The following CIB1 variants were observed in gnomAD, a reference collection of about 807,000 sequenced individuals.
The protein encoded by CIB1 is calcium and integrin-binding protein 1.
CIB1 carries 19 observed loss-of-function variants against 25.0 expected under a neutral mutation model. The observed-to-expected ratio is 0.76, with a 90% CI of 0.53 to 1.12. The LOEUF is 1.12. Among genes scored for constraint, CIB1 ranks in the 50% most tolerant of loss-of-function variants. The pLI is 0.00. For synonymous variants in CIB1, 104 were observed against 98.5 expected, an observed-to-expected ratio of 1.06 and a Z score of -0.33; for missense variants, 236 against 242.6, an observed-to-expected ratio of 0.97 and a Z score of 0.18.
At chr15:90,257,515 T>A in the CIB1 span, 1 of 1,037,544 alleles carries the variant, frequency 9.6e-7, no homozygotes, top group Non-Finnish European at 1.4e-6. Context: ...AGCAGTCCTC[T>A]GGTGGAGAGA....
the CIB1 span, among the ~76,000 whole-genome samples, chr15:90,255,253 T>A: frequency 6.6e-6 from 1 of 152,208 alleles, no homozygotes; most frequent in Admixed American, 6.5e-5. Flanking sequence ...CTGCCACCCA[T>A]CCAGCAGGAC....
chr15:90,238,412 A>G (rs539735671), upstream of CIB1: 1 of 152,370 alleles, frequency 6.6e-6, no homozygotes. Context: ...ACTAAGCCTC[A>G]ATACTCATTA....
chr15:90,255,005 G>C, the CIB1 span, among the ~76,000 whole-genome samples: 2 of 152,240 alleles, frequency 1.3e-5, no homozygotes, highest in Non-Finnish European at 2.9e-5. Context: ...TTAGGACATG[G>C]AGGGTCAGAA....
the CIB1 span, among the ~76,000 whole-genome samples, chr15:90,240,632 G>A: frequency 1.3e-5 from 2 of 152,056 alleles, no homozygotes; most frequent in African/African-American, 4.8e-5. Flanking sequence ...GGCCAACATG[G>A]TGAAACACCA....
chr15:90,259,122 G>T, the CIB1 span: 1 of 1,309,476 alleles, frequency 7.6e-7, no homozygotes, highest in Non-Finnish European at 1.0e-6. Flanking sequence ...CAGCACTTTG[G>T]GAGGCTGAGG....
chr15:90,241,275 C>G, the CIB1 span: 3 of 1,614,174 alleles, frequency 1.9e-6, no homozygotes, highest in Non-Finnish European at 1.7e-6. Context: ...TGACCCTGTA[C>G]AGTTCAACTT....
intron 2 of CIB1, 101 bp from the exon 3 acceptor site, chr15:90,232,428 CTAAAACCACGT>C (rs985844280): frequency 6.9e-7 from 1 of 1,453,152 alleles, no homozygotes; most frequent in Non-Finnish European, 9.1e-7. Flanking sequence ...AGGTGAGGAG[CTAAAACCACGT>C]ACACAGAACT....
At chr15:90,235,023 A>C (rs1009639892), upstream of CIB1, among the ~76,000 whole-genome samples, 4 of 152,182 alleles carry the variant, frequency 2.6e-5, no homozygotes, top group Non-Finnish European at 5.9e-5. Context: ...TGTTAGTCTC[A>C]GTTTATAACC....
At chr15:90,263,256 G>A in the CIB1 span, 13 of 1,024,290 alleles carry the variant, frequency 1.3e-5, no homozygotes, top group Non-Finnish European at 1.8e-5. Flanking sequence ...TGTCAGTGGA[G>A]CCTGGGAAAG....
the CIB1 span, chr15:90,262,521 AG>A: frequency 6.6e-7 from 1 of 1,518,972 alleles, no homozygotes; most frequent in Non-Finnish European, 8.8e-7. Context: ...CGCCTTAAGC[AG>A]GAACAGCAGG....
At chr15:90,232,940 A>AC (rs1962536724) in intron 2 of CIB1, among the ~76,000 whole-genome samples, 1 of 151,996 alleles carries the variant, frequency 6.6e-6, no homozygotes, top group South Asian at 2.1e-4. Flanking sequence ...AAAAAAAAAA[A>AC]AACGGAGAAA....
chr15:90,241,104 G>A, the CIB1 span: 1 of 1,614,044 alleles, frequency 6.2e-7, no homozygotes, highest in Non-Finnish European at 8.5e-7. Flanking sequence ...ACTCTGCTCT[G>A]CCTGGAAGCA....
the CIB1 span, chr15:90,257,395 C>A: frequency 7.0e-7 from 1 of 1,426,186 alleles, no homozygotes; most frequent in Non-Finnish European, 9.4e-7. Context: ...ATGAAGCCAG[C>A]AAGAGCTGCA....
chr15:90,253,507 T>G, the CIB1 span: 1 of 510,430 alleles, frequency 2.0e-6, no homozygotes, highest in Non-Finnish European at 3.5e-6. Context: ...CCCAGGGTCT[T>G]CTTTTCCAAT....
the CIB1 span, among the ~76,000 whole-genome samples, chr15:90,256,587 TTC>T: frequency 8.3e-5 from 3 of 36,078 alleles, no homozygotes; most frequent in Non-Finnish European, 1.6e-4. Context: ...CTTTCTTTCT[TTC>T]TTTCTTTCTT....
chr15:90,258,330 C>G, the CIB1 span: 5 of 1,423,272 alleles, frequency 3.5e-6, no homozygotes, highest in Non-Finnish European at 5.0e-6. Context: ...GAATAGGACA[C>G]CTGGGACAGG....
chr15:90,262,950 C>G, the CIB1 span: 5,593 of 1,534,302 alleles, frequency 3.6e-3, 206 homozygotes, highest in African/African-American at 0.066. Flanking sequence ...GCATTTATCT[C>G]TCATGTACCT....
At chr15:90,236,868 C>T (rs1962646322), upstream of CIB1, among the ~76,000 whole-genome samples, 1 of 152,118 alleles carries the variant, frequency 6.6e-6, no homozygotes, top group Admixed American at 6.5e-5. Flanking sequence ...TTTGGTAGTC[C>T]TCGGTGAATC....
At chr15:90,247,096 C>G in the CIB1 span, among the ~76,000 whole-genome samples, 38 of 151,676 alleles carry the variant, frequency 2.5e-4, no homozygotes, top group Non-Finnish European at 5.0e-4. Flanking sequence ...CTGCCTAGGC[C>G]TCCTGAATAG....
Sources: gnomAD v4.1 joint callset for allele counts (sites outside exome capture counted in the v4.1 genomes callset) on GRCh38, gnomAD v4.1.1 for gene constraint, MANE v1.5 for transcripts, NCBI Gene and HGNC (gene_info 2026-07-23, HGNC 2026-07-21) for gene names.